The following TACR3 variants were observed in gnomAD, a reference collection of about 807,000 sequenced individuals.
TACR3 encodes the protein tachykinin receptor 3, also known as neuromedin-K receptor.
TACR3 carries 34 observed loss-of-function variants against 35.0 expected under a neutral mutation model. The observed-to-expected ratio is 0.97, with a 90% CI of 0.74 to 1.30. TACR3 has a LOEUF of 1.30. TACR3 is among the 50% of genes most tolerant of loss of function. The pLI is 0.00. For missense variants in TACR3, 558 were observed against 591.7 expected (o/e 0.94, Z 0.59); for synonymous variants, 233 against 221.1 (o/e 1.05, Z -0.48).
intron 1 of TACR3, among the ~76,000 whole-genome samples, chr4:103,697,216 G>C (rs1264324385): frequency 6.6e-6 from 1 of 152,122 alleles, no homozygotes; most frequent in Admixed American, 6.6e-5. Flanking sequence ...TTGAAAGAAG[G>C]AATGTGATTG....
chr4:103,711,136 A>G (rs953513472), intron 1 of TACR3, among the ~76,000 whole-genome samples: 7 of 152,190 alleles, frequency 4.6e-5, no homozygotes, highest in Non-Finnish European at 7.3e-5. Context: ...TCTCTAACTC[A>G]TTTTATGAGG....
chr4:103,629,896 A>AAC (rs1725020532), intron 3 of TACR3, among the ~76,000 whole-genome samples: 3 of 124,544 alleles, frequency 2.4e-5, no homozygotes, highest in Non-Finnish European at 3.5e-5. Context: ...ACAACAACAA[A>AAC]AAAAAACAAA....
intron 3 of TACR3, among the ~76,000 whole-genome samples, chr4:103,623,584 T>A (rs563982404): frequency 1.7e-4 from 26 of 152,288 alleles, no homozygotes; most frequent in African/African-American, 6.3e-4. Flanking sequence ...GTGGGTTAAA[T>A]CCTTTATTTT....
chr4:103,711,746 C>T (rs1274716885), intron 1 of TACR3, among the ~76,000 whole-genome samples: 2 of 152,150 alleles, frequency 1.3e-5, no homozygotes, highest in African/African-American at 2.4e-5. Flanking sequence ...TAGAAAACCC[C>T]ATCGTCTCAG....
At chr4:103,617,748 CAAGAA>C (rs1724693062) in intron 3 of TACR3, among the ~76,000 whole-genome samples, 1 of 152,088 alleles carries the variant, frequency 6.6e-6, no homozygotes, top group African/African-American at 2.4e-5. Flanking sequence ...GAAAAACAAG[CAAGAA>C]AATGTATAGC....
chr4:103,597,590 G>T (rs1724064709), intron 3 of TACR3, among the ~76,000 whole-genome samples: 1 of 152,106 alleles, frequency 6.6e-6, no homozygotes, highest in Non-Finnish European at 1.5e-5. Context: ...ATCTCCTAAT[G>T]CTATCCCTCC....
At chr4:103,646,997 C>T (rs906394755) in intron 3 of TACR3, among the ~76,000 whole-genome samples, 2 of 151,840 alleles carry the variant, frequency 1.3e-5, no homozygotes. Flanking sequence ...CTGTTAGCCC[C>T]TCTACTCATT....
intron 3 of TACR3, among the ~76,000 whole-genome samples, chr4:103,618,564 C>CTTTTTTTTTTTT (rs57837921): frequency 8.1e-5 from 5 of 61,446 alleles, no homozygotes; most frequent in African/African-American, 3.6e-4. Flanking sequence ...GTGACTTGGG[C>CTTTTTTTTTTTT]TTTTTTTTTT....
chr4:103,715,368 C>A (rs901131294), intron 1 of TACR3, among the ~76,000 whole-genome samples: 1 of 152,250 alleles, frequency 6.6e-6, no homozygotes, highest in East Asian at 1.9e-4. Context: ...CCCTCTCTCA[C>A]TCTTGGTCCT....
At chr4:103,648,755 G>T (rs1056671073) in intron 3 of TACR3, among the ~76,000 whole-genome samples, 7 of 152,092 alleles carry the variant, frequency 4.6e-5, no homozygotes, top group Non-Finnish European at 7.4e-5. Flanking sequence ...CATGGGAATG[G>T]ATATGTCTCT....
intron 1 of TACR3, among the ~76,000 whole-genome samples, chr4:103,704,402 G>A (rs1255192173): frequency 1.3e-5 from 2 of 152,118 alleles, no homozygotes; most frequent in Non-Finnish European, 2.9e-5. Context: ...TTTTCACAAG[G>A]CTATAAAGAT....
At position 103,589,990 on chromosome 4, in the gene TACR3, G is replaced by A. The variant is rs199740086; in HGVS notation, c.1090C>T (p.Arg364Ter). 16 of 1,611,562 alleles carry A rather than the reference G, an allele frequency of 9.9e-6. No individual in the cohort carries two copies. Among genetic ancestry groups the A allele is most frequent in the South Asian group, 5.5e-5 (5 of 91,030 alleles). Residue 364 changes from arginine (R) to a stop codon, truncating the protein, a stop_gained, in exon 5 of 5, where the codon CGA becomes TGA. Coordinates refer to ENST00000304883, the MANE Select transcript of TACR3 (RefSeq NM_001059.3). LOFTEE classifies it high-confidence loss of function. ...IIYCCLNKRFRAGFKRAFRWC... is the reference protein window; with the variant it reads ...IIYCCLNKRF ...CGAAATGCTCTCTTGAAGCCAGCTC[G>A]AAATCTGAGGAAAAGCAGGCCACAG...
intron 3 of TACR3, among the ~76,000 whole-genome samples, chr4:103,629,830 C>A: frequency 2.0e-5 from 2 of 98,902 alleles, no homozygotes; most frequent in African/African-American, 4.1e-5. Context: ...CCCACATTGC[C>A]AAGACAATCC....
rs560104911 is a variant in TACR3 at position 103,658,742 on chromosome 4, G to A, written c.549-339C>T. 2.2e-4 allele frequency among the ~76,000 whole-genome samples: 33 copies of A among 152,264 alleles called. No individual in the cohort carries two copies. The South Asian group carries it at 6.8e-3, about 32-fold the overall frequency. ...GCGGTGCCCAGCCTTTTGGCACCAA[G>A]GATCGGTTTTATGGAAGATAATTTT... On this transcript the variant is annotated intron_variant, in intron 1 of 4. Transcript: ENST00000304883.
chr4:103,594,916 A>C (rs951630983), intron 3 of TACR3, among the ~76,000 whole-genome samples: 1 of 102,256 alleles, frequency 9.8e-6, no homozygotes, highest in African/African-American at 2.6e-5. Flanking sequence ...TTTCTATATA[A>C]TACTGTTACC....
At chr4:103,604,182 CA>C (rs1490029551) in intron 3 of TACR3, among the ~76,000 whole-genome samples, 2 of 152,116 alleles carry the variant, frequency 1.3e-5, no homozygotes, top group Non-Finnish European at 2.9e-5. Flanking sequence ...GTACTGGTAC[CA>C]AAACAGATAT....
intron 3 of TACR3, among the ~76,000 whole-genome samples, chr4:103,646,137 C>G (rs775655965): frequency 6.6e-6 from 1 of 151,984 alleles, no homozygotes; most frequent in Non-Finnish European, 1.5e-5. Context: ...GAGGGCAAAG[C>G]TTTGCAGCAT....
intron 1 of TACR3, among the ~76,000 whole-genome samples, chr4:103,680,468 GATATAT>G (rs138086790): frequency 2.1e-5 from 3 of 143,332 alleles, no homozygotes; most frequent in Non-Finnish European, 1.5e-5. Flanking sequence ...CAGATTAAGT[GATATAT>G]ATATATATAT....
chr4:103,642,682 GA>G (rs1293696421), intron 3 of TACR3, among the ~76,000 whole-genome samples: 2 of 151,772 alleles, frequency 1.3e-5, no homozygotes, highest in African/African-American at 4.8e-5. Flanking sequence ...GGGAGTTAAG[GA>G]GAGGTTGGTT....
Sources: gnomAD v4.1 joint callset for allele counts (sites outside exome capture counted in the v4.1 genomes callset) on GRCh38, gnomAD v4.1.1 for gene constraint, MANE v1.5 for transcripts, NCBI Gene and HGNC (gene_info 2026-07-23, HGNC 2026-07-21) for gene names.